Variants in PARD3B observed in about 807,000 individuals in gnomAD.
PARD3B encodes par-3 family cell polarity regulator beta, also known as partitioning defective 3 homolog B.
Under a neutral mutation model 130.2 loss-of-function variants are expected in PARD3B, and 103 were observed. The ratio of observed to expected loss-of-function variants is 0.79; its 90% CI spans 0.67 to 0.93. The LOEUF (loss-of-function observed/expected upper bound fraction) is 0.93. Among genes scored for constraint, PARD3B ranks in the 40% least tolerant of loss-of-function variants. PARD3B has a pLI of 0.00. For missense variants in PARD3B, 1,609 were observed against 1,499.2 expected (o/e 1.07, Z -1.21); for synonymous variants, 583 against 553.2 (o/e 1.05, Z -0.76).
At chr2:205,462,767 A>G (rs893496428) in intron 20 of PARD3B, among the ~76,000 whole-genome samples, 1 of 152,206 alleles carries the variant, frequency 6.6e-6, no homozygotes, top group African/African-American at 2.4e-5. Flanking sequence ...AATATAATGT[A>G]TGCAATCTGG....
rs1254124876 is a variant in PARD3B, at chr2:205,062,242, A to G, written c.504+14552A>G. ...TGTAATATTTTTAAAGCAATGTATG[A>G]TAATACGTTCGTTGAGGTCGTAATG... On this transcript the variant is annotated intron_variant, in intron 4 of 22. Transcript: ENST00000406610. 2.0e-5 allele frequency among the ~76,000 whole-genome samples: 3 copies of G among 152,146 alleles called. No homozygotes were observed. The East Asian group carries it at 5.8e-4, about 29-fold the overall frequency.
intron 3 of PARD3B, among the ~76,000 whole-genome samples, chr2:205,024,609 G>A (rs567582437): frequency 2.8e-4 from 42 of 152,188 alleles, no homozygotes; most frequent in Middle Eastern, 3.4e-3. Flanking sequence ...TTTTTGGTAG[G>A]ACACTATTAT....
chr2:204,931,641 T>G (rs773492582), intron 2 of PARD3B, among the ~76,000 whole-genome samples: 1 of 151,956 alleles, frequency 6.6e-6, no homozygotes, highest in Non-Finnish European at 1.5e-5. Context: ...ATTGGCAAGC[T>G]TTCCAGCTTT....
chr2:205,381,214 A>ATTCTT (rs2045430551), intron 18 of PARD3B, among the ~76,000 whole-genome samples: 1 of 122,024 alleles, frequency 8.2e-6, no homozygotes, highest in East Asian at 2.1e-4. Flanking sequence ...TATATAAAGA[A>ATTCTT]TATATATTAT....
At chr2:204,555,253 C>G (rs951687129) in intron 1 of PARD3B, among the ~76,000 whole-genome samples, 3 of 152,078 alleles carry the variant, frequency 2.0e-5, no homozygotes, top group Admixed American at 2.0e-4. Flanking sequence ...TGTATCTTTT[C>G]ACTAATAAAT....
intron 1 of PARD3B, among the ~76,000 whole-genome samples, chr2:204,617,675 T>C (rs2034159972): frequency 6.6e-6 from 1 of 152,160 alleles, no homozygotes; most frequent in South Asian, 2.1e-4. Context: ...GTAACCAGTG[T>C]AACACTCAAG....
Position 204,890,210 on chromosome 2 carries a change from G to A in PARD3B, c.223-74942G>A, listed in dbSNP as rs997644086. 6.6e-6 allele frequency among the ~76,000 whole-genome samples: 1 copy of A among 152,174 alleles called. No individual in the cohort carries two copies. Among genetic ancestry groups the A allele is most frequent in the Non-Finnish European group, 1.5e-5 (1 of 68,042 alleles). ...AGTCTAGGCACAGTGTCAATGCTGT[G>A]GTGGCCCTAGTGTGTACAGGAAGGT... On this transcript the variant is annotated intron_variant, in intron 2 of 22. Coordinates refer to ENST00000406610, the MANE Select transcript of PARD3B (RefSeq NM_001302769.2). The surrounding 1 kb of genome is among the most constrained non-coding windows in gnomAD (Gnocchi z 4.9).
chr2:205,347,761 A>G (rs998164544), intron 18 of PARD3B: 2 of 152,170 alleles, frequency 1.3e-5, no homozygotes, highest in Non-Finnish European at 2.9e-5. Context: ...TCTTCTTAAT[A>G]TTTGCTACCT....
chr2:205,017,554 A>G (rs1241972304), intron 3 of PARD3B, among the ~76,000 whole-genome samples: 2 of 152,058 alleles, frequency 1.3e-5, no homozygotes, highest in Admixed American at 6.6e-5. Context: ...ATTGTTTTCT[A>G]CTTCTGAGAA....
chr2:204,753,561 A>C (rs1206888209), intron 2 of PARD3B, among the ~76,000 whole-genome samples: 1 of 152,130 alleles, frequency 6.6e-6, no homozygotes. Context: ...ATTTGACTGG[A>C]AGACCCATGG....
chr2:204,948,400 G>A (rs1689502742), intron 2 of PARD3B, among the ~76,000 whole-genome samples: 1 of 152,226 alleles, frequency 6.6e-6, no homozygotes, highest in Non-Finnish European at 1.5e-5. Context: ...TTGAAGCTGT[G>A]TGATTTTGGA....
intron 22 of PARD3B, among the ~76,000 whole-genome samples, chr2:205,607,943 G>A (rs2055075715): frequency 6.6e-6 from 1 of 151,888 alleles, no homozygotes. Context: ...GGTGAAGAGG[G>A]ATTCTAATAA....
chr2:205,023,861 C>T (rs1269595488), intron 3 of PARD3B, among the ~76,000 whole-genome samples: 2 of 152,018 alleles, frequency 1.3e-5, no homozygotes, highest in Non-Finnish European at 2.9e-5. Context: ...CAGATCTTGA[C>T]TCTGGTAGCA....
At chr2:204,933,031 T>C (rs1688144170) in intron 2 of PARD3B, among the ~76,000 whole-genome samples, 1 of 148,232 alleles carries the variant, frequency 6.7e-6, no homozygotes, top group African/African-American at 2.4e-5. Flanking sequence ...TGTAACAGCC[T>C]CTAAGTGACC....
At chr2:204,934,328 G>A (rs1478688933) in intron 2 of PARD3B, among the ~76,000 whole-genome samples, 1 of 152,224 alleles carries the variant, frequency 6.6e-6, no homozygotes, top group South Asian at 2.1e-4. Flanking sequence ...GGGAGGACAT[G>A]TAGATTCATT....
chr2:205,091,390 C>A lies in PARD3B; in HGVS notation c.505-13036C>A, dbSNP rs1455195871. 6.6e-6 allele frequency among the ~76,000 whole-genome samples: 1 copy of A among 151,802 alleles called. No individual in the cohort carries two copies. Among genetic ancestry groups the A allele is most frequent in the East Asian group, 1.9e-4 (1 of 5,184 alleles). On this transcript the variant is annotated intron_variant, in intron 4 of 22. Coordinates refer to ENST00000406610, the MANE Select transcript of PARD3B (RefSeq NM_001302769.2). The surrounding 1 kb of genome is among the most constrained non-coding windows in gnomAD (Gnocchi z 4.2). ...TTTTCAAAGAGGCTCCAGAAAAGATCGCAGCATTGGCGACCTCTCACTTTT... is the reference window on the plus strand; with the variant it reads ...TTTTCAAAGAGGCTCCAGAAAAGATAGCAGCATTGGCGACCTCTCACTTTT...
Position 204,934,525 on chromosome 2 carries a change from C to T in PARD3B, c.223-30627C>T, listed in dbSNP as rs114365916. 6.2e-3 allele frequency among the ~76,000 whole-genome samples: 944 copies of T among 152,226 alleles called. 4 individuals carry two copies. The highest frequency in any genetic ancestry group is 0.022 in the African/African-American group (893 of 41,490). ...TTGATTACTCAATTACACTCAGTGA[C>T]GTGTCCCTTGAATTAGCAGATATGC... On this transcript the variant is annotated intron_variant, in intron 2 of 22. Coordinates refer to ENST00000406610, the MANE Select transcript of PARD3B (RefSeq NM_001302769.2).
At chr2:204,630,795 TG>T (rs2034651893) in intron 1 of PARD3B, among the ~76,000 whole-genome samples, 1 of 152,152 alleles carries the variant, frequency 6.6e-6, no homozygotes, top group African/African-American at 2.4e-5. Flanking sequence ...TGTATTTCTG[TG>T]GGGTCAGTGA....
At chr2:205,255,434 A>T (rs1574516617) in intron 16 of PARD3B, among the ~76,000 whole-genome samples, 2 of 152,290 alleles carry the variant, frequency 1.3e-5, no homozygotes, top group African/African-American at 4.8e-5. Flanking sequence ...CCAGTTCTCC[A>T]GTGGACAGCA....
Sources: allele counts gnomAD v4.1 joint callset (sites outside exome capture counted in the v4.1 genomes callset), GRCh38; gene constraint gnomAD v4.1.1; non-coding constraint Gnocchi (gnomAD v3.1); transcripts MANE v1.5; gene names NCBI Gene and HGNC (gene_info 2026-07-23, HGNC 2026-07-21).